The following CCDC138 variants were observed in gnomAD, a reference collection of about 807,000 sequenced individuals.
CCDC138 encodes coiled-coil domain-containing protein 138.
Under a neutral mutation model 82.3 loss-of-function variants are expected in CCDC138, and 66 were observed. The observed-to-expected ratio is 0.80, with a 90% CI of 0.66 to 0.98. The LOEUF (loss-of-function observed/expected upper bound fraction) is 0.98, where lower values mean the gene tolerates loss of function less well. Ranked by LOEUF, CCDC138 falls within the 50% of genes least tolerant of loss-of-function variation. The pLI is 0.00. For synonymous variants in CCDC138, 297 were observed against 265.4 expected (o/e 1.12, Z -1.16); for missense variants, 816 against 758.9 (o/e 1.08, Z -0.88).
chr2:108,860,391 G>C (rs1249632223), intron 13 of CCDC138, among the ~76,000 whole-genome samples: 1 of 151,960 alleles, frequency 6.6e-6, no homozygotes. Flanking sequence ...TGGTGAAAGT[G>C]GACATACCTG....
At chr2:108,824,310 A>G (rs1482103550) in intron 10 of CCDC138, among the ~76,000 whole-genome samples, 1 of 152,200 alleles carries the variant, frequency 6.6e-6, no homozygotes, top group African/African-American at 2.4e-5. Flanking sequence ...ATACAAAAAT[A>G]TGTATATTTT....
In CCDC138 at chr2:108,846,801, A is replaced by T; in HGVS notation, c.1387A>T (p.Lys463Ter). The T allele has an allele frequency of 6.2e-7, 1 of 1,612,530 alleles. No homozygotes were observed. Reference sequence around the variant, plus strand: ...AGACATTTTTAAAGGAGTGGTAACTAAAGGAATTCAGGATAATTCTCCACA... The same window carrying T: ...AGACATTTTTAAAGGAGTGGTAACTTAAGGAATTCAGGATAATTCTCCACA... ...GEDIFKGVVT[K>*]GIQDNSPQHS... The change falls in exon 12 of 15, where the codon AAA becomes TAA. Residue 463 changes from lysine (K) to a stop codon, truncating the protein, a stop_gained. Transcript: ENST00000295124. LOFTEE classifies it high-confidence loss of function.
chr2:108,853,878 A>AATATATTATATAGTATATATATT (rs1208107342), intron 12 of CCDC138, among the ~76,000 whole-genome samples: 16 of 124,846 alleles, frequency 1.3e-4, no homozygotes, highest in East Asian at 4.1e-4. Context: ...TATACTATAT[A>AATATATTATATAGTATATATATT]ATATATTATA....
chr2:108,824,836 A>G (rs1046276401), intron 10 of CCDC138, among the ~76,000 whole-genome samples: 1 of 152,196 alleles, frequency 6.6e-6, no homozygotes, highest in East Asian at 1.9e-4. Context: ...AACAGCTACA[A>G]CATCACTAAG....
At chr2:108,880,589 C>T (rs1398545897), downstream of CCDC138, among the ~76,000 whole-genome samples, 2 of 152,168 alleles carry the variant, frequency 1.3e-5, no homozygotes, top group Non-Finnish European at 2.9e-5. Flanking sequence ...GAAGGCAATG[C>T]TCATTTGCCA....
intron 13 of CCDC138, among the ~76,000 whole-genome samples, chr2:108,858,947 T>C (rs748774005): frequency 2.0e-5 from 3 of 152,224 alleles, no homozygotes; most frequent in Non-Finnish European, 4.4e-5. Context: ...TGATTCCACA[T>C]CTTTGCTATT....
At chr2:108,822,651 T>G (rs945302195) in intron 10 of CCDC138, among the ~76,000 whole-genome samples, 3 of 152,170 alleles carry the variant, frequency 2.0e-5, no homozygotes, top group Admixed American at 6.5e-5. Flanking sequence ...AGGATAACTA[T>G]AAAATCCACA....
intron 12 of CCDC138, among the ~76,000 whole-genome samples, chr2:108,854,948 G>T (rs1692342837): frequency 6.6e-6 from 1 of 152,106 alleles, no homozygotes; most frequent in Non-Finnish European, 1.5e-5. Flanking sequence ...CAAAATAATG[G>T]AAAACCATAT....
At chr2:108,794,033 G>C (rs1193502087) in intron 4 of CCDC138, among the ~76,000 whole-genome samples, 1 of 152,136 alleles carries the variant, frequency 6.6e-6, no homozygotes, top group Non-Finnish European at 1.5e-5. Context: ...AGGATATACA[G>C]TGAAGATTTG....
intron 13 of CCDC138, among the ~76,000 whole-genome samples, chr2:108,858,329 G>GT (rs968118012): frequency 6.6e-6 from 1 of 152,128 alleles, no homozygotes; most frequent in African/African-American, 2.4e-5. Context: ...GGGTGCCAGA[G>GT]TAAGTCTCCG....
chr2:108,841,680 A>G (rs887893643), intron 11 of CCDC138, among the ~76,000 whole-genome samples: 6 of 152,178 alleles, frequency 3.9e-5, no homozygotes, highest in Non-Finnish European at 7.3e-5. Flanking sequence ...TTTAGAAAAA[A>G]TAAACTTTGT....
chr2:108,845,787 G>A (rs1022316843), intron 11 of CCDC138, among the ~76,000 whole-genome samples: 1 of 152,082 alleles, frequency 6.6e-6, no homozygotes, highest in African/African-American at 2.4e-5. Flanking sequence ...TAGCCAGGAT[G>A]GTCTCGATCT....
intron 7 of CCDC138, among the ~76,000 whole-genome samples, chr2:108,808,423 G>C (rs1683217515): frequency 6.6e-6 from 1 of 151,890 alleles, no homozygotes; most frequent in Non-Finnish European, 1.5e-5. Flanking sequence ...TCGTTTTTTT[G>C]GGAACCTGAA....
chr2:108,815,967 A>G lies in CCDC138; in HGVS notation c.1068A>G (p.Glu356=). The change falls in exon 10 of 15, where the codon GAA becomes GAG. Residue 356 remains glutamate (E), a synonymous_variant. Coordinates refer to ENST00000295124, the MANE Select transcript of CCDC138 (RefSeq NM_144978.3). The part of the protein sequence containing the change: ...YKVPLNGQVY[E]LLTVFMDWIS... ...TACCACTTAATGGGCAAGTTTATGAACTTTTAACTGTCTTCATGGACTGGA... is the reference window on the plus strand; with the variant it reads ...TACCACTTAATGGGCAAGTTTATGAGCTTTTAACTGTCTTCATGGACTGGA... 1 of 1,611,982 alleles carries G rather than the reference A, an allele frequency of 6.2e-7. No individual in the cohort carries two copies. Among genetic ancestry groups the G allele is most frequent in the South Asian group, 1.1e-5 (1 of 90,386 alleles).
At chr2:108,861,472 CTTTTTTT>C (rs201132350) in intron 13 of CCDC138, among the ~76,000 whole-genome samples, 33 of 123,520 alleles carry the variant, frequency 2.7e-4, no homozygotes, top group African/African-American at 1.3e-3. Context: ...AACTTTCTTC[CTTTTTTT>C]TTTTTTTTTT....
intron 5 of CCDC138, among the ~76,000 whole-genome samples, chr2:108,795,972 G>A (rs555383484): frequency 5.9e-5 from 9 of 152,302 alleles, no homozygotes; most frequent in African/African-American, 2.2e-4. Context: ...ATCATTTGTA[G>A]CAAACAAAGA....
intron 10 of CCDC138, among the ~76,000 whole-genome samples, chr2:108,834,883 T>G (rs1688326464): frequency 6.6e-6 from 1 of 152,258 alleles, no homozygotes; most frequent in East Asian, 1.9e-4. Context: ...TGAAAAGCAT[T>G]TACAGAATTC....
At chr2:108,810,940 T>C (rs1683697813) in intron 7 of CCDC138, among the ~76,000 whole-genome samples, 1 of 152,146 alleles carries the variant, frequency 6.6e-6, no homozygotes. Context: ...TTTATCCATT[T>C]CCTCTAGGTT....
At chr2:108,846,505 C>T (rs1472872747) in intron 11 of CCDC138, among the ~76,000 whole-genome samples, 2 of 150,820 alleles carry the variant, frequency 1.3e-5, no homozygotes, top group Non-Finnish European at 3.0e-5. Context: ...TTAGTGAGAC[C>T]CATCTCTACC....
Sources: allele counts gnomAD v4.1 joint callset (sites outside exome capture counted in the v4.1 genomes callset), GRCh38; gene constraint gnomAD v4.1.1; transcripts MANE v1.5; gene names NCBI Gene and HGNC (gene_info 2026-07-23, HGNC 2026-07-21).